Variants in NRXN3 observed in about 807,000 individuals in gnomAD.
The protein encoded by NRXN3 is neurexin 3.
Under a neutral mutation model 137.6 loss-of-function variants are expected in NRXN3, and 32 were observed. That is an observed-to-expected ratio of 0.23 (90% confidence interval 0.18 to 0.31). NRXN3 has a LOEUF of 0.31. Ranked by LOEUF, NRXN3 falls within the 10% of genes least tolerant of loss-of-function variation. NRXN3 has a pLI of 1.00. For missense variants in NRXN3, 1,574 were observed against 2,062.5 expected, an observed-to-expected ratio of 0.76 and a Z score of 4.59; for synonymous variants, 798 against 784.5, an observed-to-expected ratio of 1.02 and a Z score of -0.29.
intron 17 of NRXN3, among the ~76,000 whole-genome samples, chr14:79,685,494 TA>T (rs1326494602): frequency 1.1e-4 from 16 of 152,214 alleles, no homozygotes; most frequent in Admixed American, 3.9e-4. Flanking sequence ...TGTTAATTTA[TA>T]ACATGGCCTT....
Position 78,645,164 on chromosome 14 carries a change from T to C in NRXN3, c.802T>C (p.Cys268Arg), listed in dbSNP as rs538882772. 39 of 1,587,710 alleles carry C rather than the reference T, an allele frequency of 2.5e-5. No individual in the cohort carries two copies. Among genetic ancestry groups the C allele is most frequent in the Non-Finnish European group, 3.3e-5 (39 of 1,174,372 alleles). The change falls in exon 5 of 21, where the codon TGC becomes CGC. Residue 268 changes from cysteine to arginine, a missense_variant. By Grantham distance (180) the Cys-to-Arg change is radical. Around this residue, in one of 5 missense-constraint regions of NRXN3, gnomAD observed 400 missense variants for 527.3 expected, o/e 0.76. Coordinates refer to ENST00000335750, the MANE Select transcript of NRXN3 (RefSeq NM_001330195.2). The stretch of plus-strand genomic sequence containing the variant: ...CACTTTCCGAGGCTCAGAGTATCTG[T>C]GCTACGACCTGTCTCAGAACCCGAT... Reference protein sequence around the residue: ...VATFRGSEYLCYDLSQNPIQS... With the variant: ...VATFRGSEYLRYDLSQNPIQS...
At chr14:79,636,584 T>C (rs1337028830) in intron 16 of NRXN3, among the ~76,000 whole-genome samples, 1 of 152,172 alleles carries the variant, frequency 6.6e-6, no homozygotes, top group Admixed American at 6.5e-5. Flanking sequence ...AAATGCCTTC[T>C]CTCAGATTAT....
chr14:78,898,065 T>C (rs768654164), intron 10 of NRXN3, among the ~76,000 whole-genome samples: 3 of 152,036 alleles, frequency 2.0e-5, no homozygotes, highest in East Asian at 3.9e-4. Flanking sequence ...CTCCCTAATA[T>C]GCAAAAATAC....
intron 14 of NRXN3, among the ~76,000 whole-genome samples, chr14:78,982,302 C>T (rs552880442): frequency 4.2e-4 from 64 of 151,638 alleles, no homozygotes; most frequent in Non-Finnish European, 4.7e-4. Flanking sequence ...TGAATAGAAC[C>T]CTCACGCTAT....
chr14:79,615,042 G>T (rs988626444), intron 16 of NRXN3, among the ~76,000 whole-genome samples: 4 of 152,154 alleles, frequency 2.6e-5, no homozygotes, highest in African/African-American at 9.7e-5. Flanking sequence ...AAAGCAATTA[G>T]GAGTGTAGGA....
chr14:79,140,511 G>C (rs983183149), intron 15 of NRXN3, among the ~76,000 whole-genome samples: 3 of 151,216 alleles, frequency 2.0e-5, no homozygotes, highest in African/African-American at 7.3e-5. Context: ...AGTATAAGTG[G>C]ATAATGATTT....
chr14:79,134,078 A>G (rs950978126), intron 15 of NRXN3, among the ~76,000 whole-genome samples: 2 of 152,070 alleles, frequency 1.3e-5, no homozygotes, highest in South Asian at 2.1e-4. Context: ...AATTTATGAC[A>G]TTTTCCTCTC....
chr14:78,610,211 C>T (rs1447962139), intron 4 of NRXN3, among the ~76,000 whole-genome samples: 2 of 152,040 alleles, frequency 1.3e-5, no homozygotes, highest in African/African-American at 2.4e-5. Flanking sequence ...GCAACTAGCA[C>T]GTGGAAATAT....
At chr14:79,742,586 A>G (rs539867256) in intron 19 of NRXN3, among the ~76,000 whole-genome samples, 1 of 152,292 alleles carries the variant, frequency 6.6e-6, no homozygotes, top group Admixed American at 6.5e-5. Flanking sequence ...TAAAATTTCT[A>G]GCTAATTGCC....
intron 15 of NRXN3, among the ~76,000 whole-genome samples, chr14:79,126,094 T>G (rs897176211): frequency 6.6e-6 from 1 of 152,132 alleles, no homozygotes; most frequent in African/African-American, 2.4e-5. Flanking sequence ...ACTGAAAAAC[T>G]TAACTGGATT....
intron 8 of NRXN3, among the ~76,000 whole-genome samples, chr14:78,760,472 T>A (rs563794799): frequency 2.0e-5 from 3 of 147,364 alleles, no homozygotes; most frequent in Non-Finnish European, 3.0e-5. Flanking sequence ...CCTCTTTCTT[T>A]GGTAAAATAA....
At chr14:78,397,992 A>C (rs2091660682) in intron 4 of NRXN3, among the ~76,000 whole-genome samples, 1 of 150,690 alleles carries the variant, frequency 6.6e-6, no homozygotes, top group South Asian at 2.1e-4. Flanking sequence ...AGGTGGGCAG[A>C]TCACCTGAGG....
At chr14:79,632,739 C>T (rs1279342091) in intron 16 of NRXN3, among the ~76,000 whole-genome samples, 3 of 151,690 alleles carry the variant, frequency 2.0e-5, no homozygotes, top group African/African-American at 7.3e-5. Context: ...ATTATTTAAT[C>T]TTCACATTAC....
chr14:79,387,801 G>GT (rs2094686862), intron 15 of NRXN3, among the ~76,000 whole-genome samples: 2 of 152,020 alleles, frequency 1.3e-5, no homozygotes, highest in African/African-American at 4.8e-5. Context: ...CATGTCCTTT[G>GT]TAGCGACATG....
intron 4 of NRXN3, among the ~76,000 whole-genome samples, chr14:78,561,599 T>C (rs1224823847): frequency 6.6e-6 from 1 of 152,010 alleles, no homozygotes; most frequent in Non-Finnish European, 1.5e-5. Flanking sequence ...TGCCCACACA[T>C]CTCCTTCAAA....
chr14:79,343,496 A>T (rs1044180002), intron 15 of NRXN3, among the ~76,000 whole-genome samples: 3 of 152,144 alleles, frequency 2.0e-5, no homozygotes, highest in Non-Finnish European at 4.4e-5. Context: ...CTCGCTCTTC[A>T]TGAGACTTGA....
At chr14:79,139,027 A>G (rs940774911) in intron 15 of NRXN3, among the ~76,000 whole-genome samples, 4 of 152,322 alleles carry the variant, frequency 2.6e-5, no homozygotes, top group South Asian at 2.1e-4. Flanking sequence ...CTGTCTTTTC[A>G]AAGTTCTTTT....
chr14:78,755,688 A>G (rs1281420075), intron 8 of NRXN3, among the ~76,000 whole-genome samples: 1 of 152,182 alleles, frequency 6.6e-6, no homozygotes, highest in African/African-American at 2.4e-5. Flanking sequence ...TTGGTATTTC[A>G]TGGATAGGCT....
intron 4 of NRXN3, among the ~76,000 whole-genome samples, chr14:78,523,262 C>T (rs1382694650): frequency 1.3e-5 from 2 of 152,164 alleles, no homozygotes; most frequent in African/African-American, 4.8e-5. Flanking sequence ...CTGAATTTCC[C>T]TTGATTGAGA....
Sources: gnomAD v4.1 joint callset for allele counts (sites outside exome capture counted in the v4.1 genomes callset) on GRCh38, gnomAD v4.1.1 for gene constraint, gnomAD v4.1.1 regional missense constraint, MANE v1.5 for transcripts, NCBI Gene and HGNC (gene_info 2026-07-23, HGNC 2026-07-21) for gene names.